The following ELP4 variants were observed in gnomAD, a reference collection of about 807,000 sequenced individuals.
The protein encoded by ELP4 is elongator acetyltransferase complex subunit 4, also known as elongator complex protein 4.
A neutral mutation model predicts 48.9 loss-of-function variants in ELP4; 51 were observed. The ratio of observed to expected loss-of-function variants is 1.04; its 90% CI spans 0.83 to 1.32. The LOEUF (loss-of-function observed/expected upper bound fraction) is 1.32, where lower values mean the gene tolerates loss of function less well. Among genes scored for constraint, ELP4 ranks in the 40% most tolerant of loss-of-function variants. ELP4 has a pLI of 0.00. For synonymous variants in ELP4, 210 were observed against 189.2 expected, an observed-to-expected ratio of 1.11 and a Z score of -0.90; for missense variants, 519 against 514.6, an observed-to-expected ratio of 1.01 and a Z score of -0.08.
chr11:31,670,433 T>C (rs1056079330), intron 9 of ELP4, among the ~76,000 whole-genome samples: 1 of 152,216 alleles, frequency 6.6e-6, no homozygotes, highest in Non-Finnish European at 1.5e-5. Flanking sequence ...AATCATTGTT[T>C]AAAATTCAGT....
intron 3 of ELP4, among the ~76,000 whole-genome samples, chr11:31,541,937 A>G (rs1956597658): frequency 6.6e-6 from 1 of 152,224 alleles, no homozygotes; most frequent in Admixed American, 6.5e-5. Flanking sequence ...GGAGAGTAAA[A>G]TATAAAATAT....
intron 9 of ELP4, chr11:31,662,863 G>A (rs911228628): frequency 3.6e-6 from 1 of 280,528 alleles, no homozygotes; most frequent in African/African-American, 2.2e-5. Flanking sequence ...AATTGGAAGG[G>A]AGCTTAAAGT....
At chr11:31,550,456 A>C (rs922041161) in intron 3 of ELP4, among the ~76,000 whole-genome samples, 1 of 152,216 alleles carries the variant, frequency 6.6e-6, no homozygotes, top group Non-Finnish European at 1.5e-5. Flanking sequence ...AGCTCCATCA[A>C]GTTCAAGACA....
At chr11:31,579,073 G>C (rs1251119287) in intron 3 of ELP4, among the ~76,000 whole-genome samples, 2 of 152,184 alleles carry the variant, frequency 1.3e-5, no homozygotes, top group Non-Finnish European at 2.9e-5. Flanking sequence ...AATCTACAAA[G>C]AGCTTAAACA....
chr11:31,651,849 A>G (rs554195787), intron 9 of ELP4: 44 of 151,858 alleles, frequency 2.9e-4, no homozygotes, highest in African/African-American at 9.4e-4. Flanking sequence ...AAAGTAGTAC[A>G]GTAATGTGAA....
At chr11:31,558,655 G>A (rs117441555) in intron 3 of ELP4, among the ~76,000 whole-genome samples, 2,385 of 152,244 alleles carry the variant, frequency 0.016, 40 homozygotes, top group Middle Eastern at 0.027. Context: ...TTTATATTAA[G>A]AGAGGAGTGA....
At chr11:31,782,120 A>G (rs1044027719) in intron 9 of ELP4, among the ~76,000 whole-genome samples, 20 of 152,332 alleles carry the variant, frequency 1.3e-4, no homozygotes, top group African/African-American at 4.3e-4. Context: ...AAAAATAAGT[A>G]CAGGCAGGTT....
intron 1 of ELP4, among the ~76,000 whole-genome samples, chr11:31,515,384 A>G (rs1312551638): frequency 2.0e-5 from 3 of 152,216 alleles, no homozygotes; most frequent in African/African-American, 7.2e-5. Flanking sequence ...GTGGTCACTC[A>G]TGCCTGTAAT....
At chr11:31,569,096 TAAA>T (rs1203133098) in intron 3 of ELP4, among the ~76,000 whole-genome samples, 1 of 143,928 alleles carries the variant, frequency 6.9e-6, no homozygotes, top group Non-Finnish European at 1.5e-5. Flanking sequence ...AAAAAAAAAA[TAAA>T]AAAAAGGAAA....
intron 3 of ELP4, among the ~76,000 whole-genome samples, chr11:31,565,119 G>C (rs945890502): frequency 4.6e-5 from 7 of 152,172 alleles, no homozygotes; most frequent in African/African-American, 1.7e-4. Context: ...GCATTTCTCT[G>C]ATGGCCAGTG....
At chr11:31,587,066 T>C (rs1957488527) in intron 3 of ELP4, among the ~76,000 whole-genome samples, 1 of 152,240 alleles carries the variant, frequency 6.6e-6, no homozygotes, top group Non-Finnish European at 1.5e-5. Flanking sequence ...CTCTCCCCAT[T>C]ACTCTGTATT....
intron 3 of ELP4, among the ~76,000 whole-genome samples, chr11:31,547,098 A>C (rs540899864): frequency 6.6e-6 from 1 of 152,354 alleles, no homozygotes; most frequent in East Asian, 1.9e-4. Context: ...GAGCAAACAC[A>C]TTGAAAAGCT....
chr11:31,528,281 C>A (rs1956331682), intron 2 of ELP4, among the ~76,000 whole-genome samples: 1 of 151,894 alleles, frequency 6.6e-6, no homozygotes, highest in Admixed American at 6.6e-5. Flanking sequence ...ATTTGAAAGC[C>A]TGGGTAAAGG....
intron 9 of ELP4, among the ~76,000 whole-genome samples, chr11:31,740,561 C>G (rs932468849): frequency 1.3e-5 from 2 of 152,152 alleles, no homozygotes; most frequent in African/African-American, 4.8e-5. Flanking sequence ...CTGGGCTGTT[C>G]CTAACTTTTG....
chr11:31,541,057 A>G (rs772409172), intron 3 of ELP4, among the ~76,000 whole-genome samples: 3 of 152,198 alleles, frequency 2.0e-5, no homozygotes, highest in South Asian at 2.1e-4. Context: ...TCATTTTTCC[A>G]TAGGATATTT....
chr11:31,542,603 A>G (rs1956610751), intron 3 of ELP4, among the ~76,000 whole-genome samples: 1 of 152,202 alleles, frequency 6.6e-6, no homozygotes. Context: ...CCCACATTAT[A>G]AAACACTGCT....
intron 9 of ELP4, among the ~76,000 whole-genome samples, chr11:31,664,848 T>G (rs952478267): frequency 2.0e-5 from 3 of 152,172 alleles, no homozygotes; most frequent in Non-Finnish European, 4.4e-5. Context: ...ACATGTAATT[T>G]TATTGTCTCT....
intron 9 of ELP4, among the ~76,000 whole-genome samples, chr11:31,693,346 T>G (rs954168218): frequency 1.3e-5 from 2 of 151,930 alleles, no homozygotes; most frequent in African/African-American, 4.8e-5. Context: ...TGTGTAATAT[T>G]CCCCTTCCTG....
intron 9 of ELP4, among the ~76,000 whole-genome samples, chr11:31,659,470 A>G (rs1341760037): frequency 6.6e-6 from 1 of 152,164 alleles, no homozygotes; most frequent in African/African-American, 2.4e-5. Context: ...TCAAATATAT[A>G]TTGCACTCAT....
Sources: allele counts gnomAD v4.1 joint callset (sites outside exome capture counted in the v4.1 genomes callset), GRCh38; gene constraint gnomAD v4.1.1; transcripts MANE v1.5; gene names NCBI Gene and HGNC (gene_info 2026-07-23, HGNC 2026-07-21).